The following RBM20 variants were observed in gnomAD, a reference collection of about 807,000 sequenced individuals.
The protein encoded by RBM20 is RNA-binding protein 20.
RBM20 carries 51 observed loss-of-function variants against 110.1 expected under a neutral mutation model. The ratio of observed to expected loss-of-function variants is 0.46; its 90% CI spans 0.37 to 0.59. The LOEUF (loss-of-function observed/expected upper bound fraction) is 0.59, where lower values mean the gene tolerates loss of function less well. Among genes scored for constraint, RBM20 ranks in the 20% least tolerant of loss-of-function variants. The pLI, the probability that RBM20 is intolerant of heterozygous loss-of-function variation, is 0.00. For missense variants in RBM20, 1,512 were observed against 1,574.9 expected (o/e 0.96, Z 0.68); for synonymous variants, 589 against 618.2 (o/e 0.95, Z 0.70).
At chr10:110,692,469 T>C (rs1168924221) in intron 1 of RBM20, among the ~76,000 whole-genome samples, 1 of 152,182 alleles carries the variant, frequency 6.6e-6, no homozygotes, top group Non-Finnish European at 1.5e-5. Context: ...TTTCATCTCC[T>C]TGCTTTATTC....
At position 110,671,744 on chromosome 10, in the gene RBM20, T is replaced by C. The variant is rs986243972; in HGVS notation, c.191+27099T>C. Among the ~76,000 whole-genome samples, 3 of 152,026 alleles carry C rather than the reference T, an allele frequency of 2.0e-5. No homozygotes were observed. In the East Asian group the frequency reaches 5.8e-4, roughly 29 times the overall value. ...AAAATGACACTGTTTAAGATATATATATATATGTATATATATCGACATGCT... is the reference window on the plus strand; with the variant it reads ...AAAATGACACTGTTTAAGATATATACATATATGTATATATATCGACATGCT... On this transcript the variant is annotated intron_variant, in intron 1 of 13. Coordinates refer to ENST00000369519, the MANE Select transcript of RBM20 (RefSeq NM_001134363.3).
chr10:110,707,354 G>C (rs1231693803), intron 1 of RBM20, among the ~76,000 whole-genome samples: 2 of 152,114 alleles, frequency 1.3e-5, no homozygotes, highest in Non-Finnish European at 2.9e-5. Flanking sequence ...AATATTGGCT[G>C]CATAGCCAAT....
intron 1 of RBM20, among the ~76,000 whole-genome samples, chr10:110,674,103 G>A (rs1862298957): frequency 6.6e-6 from 1 of 152,090 alleles, no homozygotes; most frequent in Non-Finnish European, 1.5e-5. Flanking sequence ...CTCTTTAAGG[G>A]TGCATTTTAG....
intron 1 of RBM20, among the ~76,000 whole-genome samples, chr10:110,690,250 A>G (rs1442050906): frequency 6.6e-6 from 1 of 152,104 alleles, no homozygotes; most frequent in Non-Finnish European, 1.5e-5. Context: ...TACTAAAAAA[A>G]TTTAAATTAG....
chr10:110,772,690 T>C (rs1164285133), intron 1 of RBM20, among the ~76,000 whole-genome samples: 1 of 152,214 alleles, frequency 6.6e-6, no homozygotes, highest in Non-Finnish European at 1.5e-5. Context: ...TCTCAAGACA[T>C]GTCTCTATTG....
chr10:110,812,971 G>GT, intron 9 of RBM20, 24 bp downstream of exon 9: 1 of 1,418,018 alleles, frequency 7.1e-7, no homozygotes, highest in Non-Finnish European at 9.3e-7. Context: ...TCTTCCCCAG[G>GT]TAAGGCGAGG....
At position 110,816,149 on chromosome 10, in the gene RBM20, C is replaced by T. The variant is rs903562258; in HGVS notation, c.2550+3202C>T. Among the ~76,000 whole-genome samples the T allele has an allele frequency of 2.6e-5, 4 of 152,200 alleles. No homozygotes were observed. In the East Asian group the frequency reaches 5.8e-4, roughly 22 times the overall value. ...GCGCCTTTACAGGTGTTGCTGCTGC[C>T]GAGGAGCCACAAGTCTTCCTGGCTT... On this transcript the variant is annotated intron_variant, in intron 9 of 13. Coordinates refer to ENST00000369519, the MANE Select transcript of RBM20 (RefSeq NM_001134363.3).
In RBM20 at chr10:110,752,984, G is replaced by T. The variant is rs577303952; in HGVS notation, c.192-27817G>T. Among the ~76,000 whole-genome samples, 281 of 141,550 alleles carry T rather than the reference G, an allele frequency of 2.0e-3. 2 individuals carry two copies. The highest frequency in any genetic ancestry group is 6.8e-3 in the African/African-American group (256 of 37,752). 92.9% of individuals were successfully genotyped at this position (141,550 alleles called of 152,430 possible). On this transcript the variant is annotated intron_variant, in intron 1 of 13. Transcript: ENST00000369519. Reference sequence around the variant, plus strand: ...TATGAAGTCTCCCTCTGTTGCCCAGGCTGGAGTGCAGCAGTGAGATCTCGG... The same window carrying T: ...TATGAAGTCTCCCTCTGTTGCCCAGTCTGGAGTGCAGCAGTGAGATCTCGG...
chr10:110,678,538 AC>A (rs1862375355), intron 1 of RBM20, among the ~76,000 whole-genome samples: 1 of 152,174 alleles, frequency 6.6e-6, no homozygotes, highest in African/African-American at 2.4e-5. Flanking sequence ...CTGGGAAGGT[AC>A]AGTTTGGTTT....
chr10:110,647,321 C>T (rs1861883223), intron 1 of RBM20, among the ~76,000 whole-genome samples: 1 of 152,170 alleles, frequency 6.6e-6, no homozygotes, highest in African/African-American at 2.4e-5. Context: ...AAGATTGCAT[C>T]TAGAGTTAAT....
At chr10:110,681,622 A>G (rs1350172886) in intron 1 of RBM20, among the ~76,000 whole-genome samples, 1 of 152,228 alleles carries the variant, frequency 6.6e-6, no homozygotes, top group African/African-American at 2.4e-5. Context: ...AGGTCGGGTG[A>G]GGAGTTCATC....
At chr10:110,657,319 CT>C (rs879574722) in intron 1 of RBM20, among the ~76,000 whole-genome samples, 325 of 140,592 alleles carry the variant, frequency 2.3e-3, no homozygotes, top group Admixed American at 2.2e-3. Context: ...CCGGCCTGTT[CT>C]TTTTTTTTTT....
At position 110,699,133 on chromosome 10, in the gene RBM20, G is replaced by A. The variant is rs543793900; in HGVS notation, c.191+54488G>A. Among the ~76,000 whole-genome samples, 80 of 152,148 alleles carry A rather than the reference G, an allele frequency of 5.3e-4. 1 individual carries two copies. The highest frequency in any genetic ancestry group is 1.8e-3 in the African/African-American group (76 of 41,502). ...CACGTCTGCGCCATGTTAGACGGGGGCTCCACTGATGGACTTAACCTTTCC... is the reference window on the plus strand; with the variant it reads ...CACGTCTGCGCCATGTTAGACGGGGACTCCACTGATGGACTTAACCTTTCC... On this transcript the variant is annotated intron_variant, in intron 1 of 13. Transcript: ENST00000369519.
chr10:110,836,005 C>G lies in RBM20; in HGVS notation c.*27C>G, dbSNP rs770612823. On this transcript the variant is annotated 3_prime_UTR_variant, in exon 14 of 14. Coordinates refer to ENST00000369519, the MANE Select transcript of RBM20 (RefSeq NM_001134363.3). Reference sequence around the variant, plus strand: ...GCTTCTGCTTCTGCTGCTACTGCTGCTGCTGCAAGGTTGGAAAGGAGAGCT... The same window carrying G: ...GCTTCTGCTTCTGCTGCTACTGCTGGTGCTGCAAGGTTGGAAAGGAGAGCT... 2.2e-6 allele frequency: 2 copies of G among 898,096 alleles called. No individual in the cohort carries two copies. The highest frequency in any genetic ancestry group is 1.6e-5 in the South Asian group (1 of 63,024). 55.6% of individuals were successfully genotyped at this position (898,096 alleles called of 1,614,324 possible).
chr10:110,704,328 C>T (rs1862805039), intron 1 of RBM20, among the ~76,000 whole-genome samples: 1 of 152,108 alleles, frequency 6.6e-6, no homozygotes. Flanking sequence ...CAGTTTTTGG[C>T]TATTACAAAG....
rs550138775 is a variant in RBM20, at chr10:110,737,177, C to CAAAA, written c.192-43607_192-43604dup. ...GGGCAAGAAGAGTGAAACTCTGCCT[C>CAAAA]AAAAAAAAAAAAAAAAAAAACACCC... On this transcript the variant is annotated intron_variant, in intron 1 of 13. Transcript: ENST00000369519. 3.0e-3 allele frequency among the ~76,000 whole-genome samples: 81 copies of CAAAA among 26,616 alleles called. 5 individuals are homozygous for CAAAA. The highest frequency in any genetic ancestry group is 0.012 in the African/African-American group (65 of 5,578). 17.5% of individuals were successfully genotyped at this position (26,616 alleles called of 152,430 possible). A position where few individuals can be genotyped will look rare whatever the true frequency, so the allele number is the denominator to read the frequency against.
At chr10:110,651,148 C>A (rs1253916119) in intron 1 of RBM20, among the ~76,000 whole-genome samples, 6 of 152,274 alleles carry the variant, frequency 3.9e-5, no homozygotes, top group South Asian at 2.1e-4. Context: ...CAAATCTTAG[C>A]AAAATTGTGG....
rs1403223748 is a variant in RBM20, at chr10:110,676,344, A to T, written c.191+31699A>T. 2.6e-5 allele frequency among the ~76,000 whole-genome samples: 4 copies of T among 152,208 alleles called. No homozygotes were observed. In the East Asian group the frequency reaches 7.7e-4, roughly 29 times the overall value. ...GCATCTCACAGAGAGAGAAAAATAGATATTTGGAAGTGGTATCTTTTATTG... is the reference window on the plus strand; with the variant it reads ...GCATCTCACAGAGAGAGAAAAATAGTTATTTGGAAGTGGTATCTTTTATTG... On this transcript the variant is annotated intron_variant, in intron 1 of 13. Transcript: ENST00000369519.
rs2135054663 is a variant in RBM20, at chr10:110,786,855, C to T, written c.1527+1966C>T. Among the ~76,000 whole-genome samples, 2 of 152,290 alleles carry T rather than the reference C, an allele frequency of 1.3e-5. 1 individual carries two copies. The highest frequency in any genetic ancestry group is 4.1e-4 in the South Asian group (2 of 4,828). ...AGTGTCAGGTGGGCAGGGGGCAGGG[C>T]TTGTAAATTGACTCCAACCTGGGGT... On this transcript the variant is annotated intron_variant, in intron 5 of 13. Coordinates refer to ENST00000369519, the MANE Select transcript of RBM20 (RefSeq NM_001134363.3).
Sources: gnomAD v4.1 joint callset for allele counts (sites outside exome capture counted in the v4.1 genomes callset) on GRCh38, gnomAD v4.1.1 for gene constraint, MANE v1.5 for transcripts, NCBI Gene and HGNC (gene_info 2026-07-23, HGNC 2026-07-21) for gene names.